The following RANBP2 variants were observed in gnomAD, a reference collection of about 807,000 sequenced individuals.
RANBP2 encodes RAN binding protein 2.
In RANBP2, 57 loss-of-function variants were observed where a neutral mutation model predicts 303.6. The observed-to-expected ratio is 0.19, with a 90% CI of 0.15 to 0.23. The LOEUF is 0.23. Among genes scored for constraint, RANBP2 ranks in the 10% least tolerant of loss-of-function variants. The pLI is 1.00. For missense variants in RANBP2, 3,138 were observed against 3,780.8 expected, an observed-to-expected ratio of 0.83 and a Z score of 4.46; for synonymous variants, 1,167 against 1,301.5, an observed-to-expected ratio of 0.90 and a Z score of 2.23.
the RANBP2 span, among the ~76,000 whole-genome samples, chr2:108,955,519 G>A: frequency 7.9e-5 from 12 of 152,212 alleles, no homozygotes; most frequent in African/African-American, 2.9e-4. Context: ...AGGCCGTGGT[G>A]GGCAGATCAC....
the RANBP2 span, among the ~76,000 whole-genome samples, chr2:109,330,060 G>A: frequency 2.0e-5 from 3 of 152,194 alleles, no homozygotes; most frequent in Non-Finnish European, 4.4e-5. Context: ...TCTAAGTGGA[G>A]TAAATGGTTT....
At chr2:108,897,590 T>C in the RANBP2 span, among the ~76,000 whole-genome samples, 1 of 152,088 alleles carries the variant, frequency 6.6e-6, no homozygotes, top group South Asian at 2.1e-4. Context: ...GGGGCTGGGC[T>C]GAGGAGGGGT....
chr2:108,989,683 T>C, the RANBP2 span, among the ~76,000 whole-genome samples: 2 of 152,148 alleles, frequency 1.3e-5, no homozygotes, highest in African/African-American at 2.4e-5. Flanking sequence ...CACCAGTGTA[T>C]ACCCATGTAA....
chr2:109,477,283 C>T, the RANBP2 span, among the ~76,000 whole-genome samples: 1 of 152,232 alleles, frequency 6.6e-6, no homozygotes, highest in Non-Finnish European at 1.5e-5. Context: ...CTCCCCGTTC[C>T]TGCACAGGCA....
the RANBP2 span, among the ~76,000 whole-genome samples, chr2:109,458,966 A>G: frequency 6.6e-6 from 1 of 152,176 alleles, no homozygotes; most frequent in African/African-American, 2.4e-5. Context: ...TGTCAGCTTG[A>G]CATCTCCCTA....
chr2:109,683,589 G>A, the RANBP2 span, among the ~76,000 whole-genome samples: 1 of 152,048 alleles, frequency 6.6e-6, no homozygotes, highest in Non-Finnish European at 1.5e-5. Flanking sequence ...CTGGGGGCCT[G>A]GGCTTCTCTG....
the RANBP2 span, among the ~76,000 whole-genome samples, chr2:108,939,240 C>T: frequency 2.6e-5 from 4 of 151,974 alleles, no homozygotes; most frequent in African/African-American, 9.7e-5. Flanking sequence ...TGTAGTGGCA[C>T]GATCTCAGCT....
the RANBP2 span, among the ~76,000 whole-genome samples, chr2:109,189,172 G>C: frequency 6.6e-6 from 1 of 151,700 alleles, no homozygotes; most frequent in Non-Finnish European, 1.5e-5. Flanking sequence ...GTGTTTCTTC[G>C]GGGATGGAAA....
chr2:109,760,633 G>A, the RANBP2 span, among the ~76,000 whole-genome samples: 2 of 143,844 alleles, frequency 1.4e-5, no homozygotes, highest in Non-Finnish European at 3.1e-5. Flanking sequence ...TGCACCTTGA[G>A]CGGCGCCTTT....
chr2:108,980,315 G>A, the RANBP2 span, among the ~76,000 whole-genome samples: 2 of 152,114 alleles, frequency 1.3e-5, no homozygotes, highest in African/African-American at 2.4e-5. Context: ...CTCTGTGAAG[G>A]TGAGGAGAGC....
chr2:108,781,415 G>A lies in RANBP2; in HGVS notation c.8746G>A (p.Val2916Met). 6.2e-7 allele frequency: 1 copy of A among 1,614,054 alleles called. No individual in the cohort carries two copies. Among genetic ancestry groups the A allele is most frequent in the Non-Finnish European group, 8.5e-7 (1 of 1,179,952 alleles). ...HNEDIHFEPI[V>M]SLPEVEVKSG... ...TGAAGATATCCATTTTGAACCAATA[G>A]TGTCACTACCAGAGGTAAATGTTAA... Residue 2916 changes from valine to methionine, a missense_variant, in exon 26 of 29, where the codon GTG (valine) becomes ATG (methionine). This residue lies in a region of RANBP2 where 68 missense variants were observed against 117.4 expected (regional missense o/e 0.58). Transcript: ENST00000283195.
the RANBP2 span, among the ~76,000 whole-genome samples, chr2:109,174,069 C>T: frequency 6.6e-6 from 1 of 152,170 alleles, no homozygotes; most frequent in Non-Finnish European, 1.5e-5. Context: ...CCACAGTGTC[C>T]CCATAGCCTT....
chr2:109,312,989 A>ACCT, the RANBP2 span, among the ~76,000 whole-genome samples: 1 of 152,156 alleles, frequency 6.6e-6, no homozygotes. Flanking sequence ...ATCTACAGTA[A>ACCT]TGCGGAAGAA....
the RANBP2 span, chr2:109,585,049 A>C: frequency 7.9e-6 from 6 of 762,794 alleles, no homozygotes; most frequent in Non-Finnish European, 1.2e-5. Context: ...AGAAAATCAA[A>C]TCATAGTTCA....
chr2:108,876,302 G>T, the RANBP2 span: 23 of 1,055,300 alleles, frequency 2.2e-5, no homozygotes, highest in African/African-American at 3.5e-4. Flanking sequence ...TTATAAACAT[G>T]TAGAAATTAC....
chr2:108,913,966 AAT>A, the RANBP2 span, among the ~76,000 whole-genome samples: 523 of 150,850 alleles, frequency 3.5e-3, 3 homozygotes, highest in African/African-American at 0.012. Flanking sequence ...AAAAAAAAAA[AAT>A]CTAGAAAAGG....
At chr2:109,167,621 G>GA in the RANBP2 span, among the ~76,000 whole-genome samples, 3 of 152,194 alleles carry the variant, frequency 2.0e-5, no homozygotes, top group African/African-American at 7.2e-5. Flanking sequence ...ACCCAGGCTG[G>GA]AGTGCAGCGG....
chr2:109,375,596 G>C, the RANBP2 span, among the ~76,000 whole-genome samples: 1 of 152,264 alleles, frequency 6.6e-6, no homozygotes, highest in African/African-American at 2.4e-5. Flanking sequence ...TAAGGGGAGT[G>C]AGGATGAGCC....
At chr2:108,760,451 T>TA (rs1676646439) in intron 18 of RANBP2, among the ~76,000 whole-genome samples, 1 of 152,180 alleles carries the variant, frequency 6.6e-6, no homozygotes. Flanking sequence ...TTCCTTTATT[T>TA]ATGTTGTTTC....
Sources: gnomAD v4.1 joint callset for allele counts (sites outside exome capture counted in the v4.1 genomes callset) on GRCh38, gnomAD v4.1.1 for gene constraint, gnomAD v4.1.1 regional missense constraint, MANE v1.5 for transcripts, NCBI Gene and HGNC (gene_info 2026-07-23, HGNC 2026-07-21) for gene names.